Variants in MALRD1 observed in about 807,000 individuals in gnomAD.
MALRD1 encodes the protein MAM and LDL receptor class A domain containing 1.
MALRD1 carries 247 observed loss-of-function variants against 242.1 expected under a neutral mutation model. That is an observed-to-expected ratio of 1.02 (90% confidence interval 0.92 to 1.13). The LOEUF is 1.13. Ranked by LOEUF, MALRD1 falls within the 50% of genes most tolerant of loss-of-function variation. MALRD1 has a pLI of 0.00. For synonymous variants in MALRD1, 995 were observed against 866.6 expected (o/e 1.15, Z -2.60); for missense variants, 2,989 against 2,533.1 (o/e 1.18, Z -3.86).
At chr10:19,365,677 A>AC (rs1192787776) in intron 26 of MALRD1, among the ~76,000 whole-genome samples, 1 of 73,204 alleles carries the variant, frequency 1.4e-5, no homozygotes, top group African/African-American at 5.1e-5. Flanking sequence ...AAAAAAAAAA[A>AC]AAAAAAAAAA....
intron 29 of MALRD1, among the ~76,000 whole-genome samples, chr10:19,486,165 C>T (rs937840812): frequency 6.6e-6 from 1 of 152,122 alleles, no homozygotes; most frequent in Non-Finnish European, 1.5e-5. Context: ...GTTTTAAAAG[C>T]TCAGAGGTTT....
intron 26 of MALRD1, among the ~76,000 whole-genome samples, chr10:19,374,276 T>C (rs1262210357): frequency 6.6e-6 from 1 of 152,314 alleles, no homozygotes; most frequent in Non-Finnish European, 1.5e-5. Context: ...CTAGAAATTA[T>C]ACTGTATAAT....
chr10:19,488,670 G>A (rs1345321930), intron 29 of MALRD1: 1 of 189,674 alleles, frequency 5.3e-6, no homozygotes. Flanking sequence ...TAGAACAATT[G>A]CAGGTACTTG....
chr10:19,687,010 A>G (rs1842609034), intron 36 of MALRD1, among the ~76,000 whole-genome samples: 1 of 151,840 alleles, frequency 6.6e-6, no homozygotes. Flanking sequence ...AAAAAAAAAA[A>G]TAATAACGAG....
chr10:19,316,677 A>G (rs1454104774), intron 21 of MALRD1, among the ~76,000 whole-genome samples: 1 of 151,786 alleles, frequency 6.6e-6, no homozygotes, highest in African/African-American at 2.4e-5. Context: ...TGTGGAAACT[A>G]TGAGAAGTCT....
intron 32 of MALRD1, among the ~76,000 whole-genome samples, chr10:19,537,501 C>A (rs189103395): frequency 2.4e-4 from 36 of 152,240 alleles, no homozygotes; most frequent in African/African-American, 6.5e-4. Flanking sequence ...TTCTCTCTCT[C>A]CTTTTTCTTC....
intron 18 of MALRD1, among the ~76,000 whole-genome samples, chr10:19,238,225 A>T (rs1588753221): frequency 6.2e-5 from 4 of 64,806 alleles, no homozygotes; most frequent in Non-Finnish European, 7.8e-5. Context: ...AATATACATA[A>T]TATATATTAT....
intron 36 of MALRD1, among the ~76,000 whole-genome samples, chr10:19,679,666 G>A (rs1326043383): frequency 6.6e-6 from 1 of 151,756 alleles, no homozygotes; most frequent in East Asian, 1.9e-4. Flanking sequence ...ATTCCACCTT[G>A]ATCTTGGTTA....
At chr10:19,076,395 C>G (rs1028747029) in intron 2 of MALRD1, among the ~76,000 whole-genome samples, 8 of 151,864 alleles carry the variant, frequency 5.3e-5, no homozygotes, top group Admixed American at 4.6e-4. Context: ...ATTGCCTAAT[C>G]CAAGGTCATA....
At position 19,576,964 on chromosome 10, in the gene MALRD1, G is replaced by GTGT. The variant is rs1836860737; in HGVS notation, c.5680+9262_5680+9263insGTT. 3.2e-5 allele frequency among the ~76,000 whole-genome samples: 4 copies of GTGT among 123,392 alleles called. No homozygotes were observed. The East Asian group carries it at 7.5e-4, about 23-fold the overall frequency. The allele number at this position is 123,392 out of a possible 152,430, so 80.9% of individuals were successfully genotyped here. ...TCCTCATTGAAAAATCCACATTGTCGTTTTTTTTTTTTTTTTTGATTTGGC... is the reference window on the plus strand; with the variant it reads ...TCCTCATTGAAAAATCCACATTGTCGTGTTTTTTTTTTTTTTTTTTGATTTGGC... On this transcript the variant is annotated intron_variant, in intron 33 of 39. Transcript: ENST00000454679.
chr10:19,390,641 A>G (rs1410252655), intron 28 of MALRD1, among the ~76,000 whole-genome samples: 1 of 152,034 alleles, frequency 6.6e-6, no homozygotes, highest in Non-Finnish European at 1.5e-5. Flanking sequence ...AAGAAAGCTT[A>G]CTTTAAAGCA....
intron 29 of MALRD1, among the ~76,000 whole-genome samples, chr10:19,454,754 T>G (rs774200978): frequency 1.3e-3 from 193 of 146,252 alleles, no homozygotes; most frequent in Non-Finnish European, 1.7e-3. Context: ...ACACACATTA[T>G]ATGTACCGTA....
At chr10:19,504,768 C>T (rs1217924552) in intron 31 of MALRD1, among the ~76,000 whole-genome samples, 5 of 148,778 alleles carry the variant, frequency 3.4e-5, no homozygotes, top group East Asian at 2.0e-4. Context: ...CTGCAAGCTC[C>T]GCTTCCCGGG....
Position 19,692,413 on chromosome 10 carries a change from A to G in MALRD1, c.6218-45A>G, listed in dbSNP as rs554087864. On this transcript the variant is annotated intron_variant, in intron 37 of 39. Transcript: ENST00000454679. Reference sequence around the variant, plus strand: ...GGCTTGGTTTGGGGTGGTCTCTAATATATTTCACTGCATATTTATCTTTTT... The same window carrying G: ...GGCTTGGTTTGGGGTGGTCTCTAATGTATTTCACTGCATATTTATCTTTTT... 322 of 1,531,504 alleles carry G rather than the reference A, an allele frequency of 2.1e-4. 8 individuals carry two copies. The South Asian group carries it at 3.7e-3, about 18-fold the overall frequency. The allele number at this position is 1,531,504 out of a possible 1,614,324, so 94.9% of individuals were successfully genotyped here.
rs74686801 is a variant in MALRD1, at chr10:19,636,422, G to T, written c.6137+20499G>T. On this transcript the variant is annotated intron_variant, in intron 36 of 39. Coordinates refer to ENST00000454679, the MANE Select transcript of MALRD1 (RefSeq NM_001142308.3). ...ACAAAACAATTGGGATATAATGTTG[G>T]TATCAACAATGCTTAGGGACAGAAC... is the stretch of plus-strand genomic sequence containing the variant. 5.8e-3 allele frequency among the ~76,000 whole-genome samples: 884 copies of T among 152,202 alleles called. 8 individuals are homozygous for T. Among genetic ancestry groups the T allele is most frequent in the African/African-American group, 0.02 (838 of 41,532 alleles).
chr10:19,532,466 G>T (rs759739931), intron 32 of MALRD1, among the ~76,000 whole-genome samples: 16 of 152,102 alleles, frequency 1.1e-4, no homozygotes, highest in South Asian at 4.1e-4. Flanking sequence ...ATGTTGGCCA[G>T]GCTGGTCTCA....
chr10:19,194,087 C>CATAGTACT (rs1460217531), intron 14 of MALRD1, among the ~76,000 whole-genome samples: 2 of 151,870 alleles, frequency 1.3e-5, no homozygotes, highest in African/African-American at 4.8e-5. Flanking sequence ...CTCATATCAC[C>CATAGTACT]ATAGTACTAA....
chr10:19,360,109 G>A (rs185118264), intron 26 of MALRD1, among the ~76,000 whole-genome samples: 1 of 152,022 alleles, frequency 6.6e-6, no homozygotes, highest in Non-Finnish European at 1.5e-5. Flanking sequence ...TTGCCTCTAG[G>A]ATCTAGCATT....
chr10:19,624,342 C>T (rs1853289987), intron 36 of MALRD1, among the ~76,000 whole-genome samples: 1 of 151,990 alleles, frequency 6.6e-6, no homozygotes, highest in African/African-American at 2.4e-5. Flanking sequence ...AGAAGCATTC[C>T]TTGGGCCAGG....
Sources: allele counts gnomAD v4.1 joint callset (sites outside exome capture counted in the v4.1 genomes callset), GRCh38; gene constraint gnomAD v4.1.1; transcripts MANE v1.5; gene names NCBI Gene and HGNC (gene_info 2026-07-23, HGNC 2026-07-21).